The following ARHGAP15 variants were observed in gnomAD, a reference collection of about 807,000 sequenced individuals.
ARHGAP15 encodes Rho GTPase activating protein 15, also known as rho GTPase-activating protein 15.
Under a neutral mutation model 63.7 loss-of-function variants are expected in ARHGAP15, and 51 were observed. That is an observed-to-expected ratio of 0.80 (90% CI 0.64 to 1.01). The LOEUF is 1.01. ARHGAP15 is among the 50% of genes least tolerant of loss of function. The probability of loss-of-function intolerance (pLI) is 0.00; values close to 1 mark genes in which losing one functional copy is unlikely to be tolerated. For missense variants in ARHGAP15, 560 were observed against 564.6 expected, an observed-to-expected ratio of 0.99 and a Z score of 0.08; for synonymous variants, 191 against 193.8, an observed-to-expected ratio of 0.99 and a Z score of 0.12.
At chr2:143,610,655 A>T (rs1027476364) in intron 11 of ARHGAP15, among the ~76,000 whole-genome samples, 1 of 152,202 alleles carries the variant, frequency 6.6e-6, no homozygotes, top group African/African-American at 2.4e-5. Context: ...TTAGCTACAC[A>T]TCAAAGAGCT....
intron 13 of ARHGAP15, among the ~76,000 whole-genome samples, chr2:143,715,936 A>G (rs1485872670): frequency 6.6e-6 from 1 of 152,194 alleles, no homozygotes; most frequent in Non-Finnish European, 1.5e-5. Flanking sequence ...AATTTTCTGC[A>G]TATGGCTAGC....
chr2:143,406,435 G>C (rs1466427796), intron 6 of ARHGAP15, among the ~76,000 whole-genome samples: 1 of 151,840 alleles, frequency 6.6e-6, no homozygotes, highest in East Asian at 1.9e-4. Context: ...TACTGTCTTT[G>C]TGTCTTAAGC....
intron 11 of ARHGAP15, among the ~76,000 whole-genome samples, chr2:143,578,299 TA>T (rs1696754981): frequency 1.3e-5 from 2 of 152,116 alleles, no homozygotes; most frequent in South Asian, 4.1e-4. Context: ...AAACTATCAT[TA>T]AAGCTAAGCA....
chr2:143,352,612 A>T (rs1685619801), intron 6 of ARHGAP15, among the ~76,000 whole-genome samples: 1 of 152,216 alleles, frequency 6.6e-6, no homozygotes, highest in Non-Finnish European at 1.5e-5. Flanking sequence ...ACAAATTAAC[A>T]TCAAGGCTGT....
intron 6 of ARHGAP15, among the ~76,000 whole-genome samples, chr2:143,337,129 T>G (rs1227730052): frequency 6.6e-6 from 1 of 151,724 alleles, no homozygotes; most frequent in Non-Finnish European, 1.5e-5. Context: ...CTTGGATAGG[T>G]GGGGAGGTAA....
chr2:143,589,286 C>A (rs1362738276), intron 11 of ARHGAP15, among the ~76,000 whole-genome samples: 1 of 152,214 alleles, frequency 6.6e-6, no homozygotes, highest in Admixed American at 6.5e-5. Flanking sequence ...ATGTACTCTA[C>A]TGCTTATAGA....
intron 11 of ARHGAP15, among the ~76,000 whole-genome samples, chr2:143,589,917 A>G (rs2105165929): frequency 6.6e-6 from 1 of 152,350 alleles, no homozygotes; most frequent in Non-Finnish European, 1.5e-5. Context: ...TGTGTAACTT[A>G]ACAACTCAGC....
intron 12 of ARHGAP15, among the ~76,000 whole-genome samples, chr2:143,675,641 C>T (rs1682788086): frequency 6.6e-6 from 1 of 152,154 alleles, no homozygotes; most frequent in Non-Finnish European, 1.5e-5. Flanking sequence ...TGACAGTGAT[C>T]TGCTTCTCTG....
chr2:143,655,083 G>A (rs550295619), intron 12 of ARHGAP15, among the ~76,000 whole-genome samples: 19 of 152,184 alleles, frequency 1.2e-4, no homozygotes, highest in Admixed American at 7.8e-4. Flanking sequence ...GTTAAAATAC[G>A]AATTCTGATA....
chr2:143,181,271 G>C (rs1329187518), intron 2 of ARHGAP15, among the ~76,000 whole-genome samples: 1 of 152,116 alleles, frequency 6.6e-6, no homozygotes, highest in Non-Finnish European at 1.5e-5. Flanking sequence ...AGTATATTTA[G>C]TATCATTTTT....
intron 6 of ARHGAP15, among the ~76,000 whole-genome samples, chr2:143,270,608 C>T (rs1681229720): frequency 6.6e-6 from 1 of 152,162 alleles, no homozygotes; most frequent in Admixed American, 6.5e-5. Context: ...TAATTACATA[C>T]TACTTTCCTG....
At chr2:143,159,365 T>C (rs1690202680) in intron 2 of ARHGAP15, among the ~76,000 whole-genome samples, 1 of 151,964 alleles carries the variant, frequency 6.6e-6, no homozygotes, top group Admixed American at 6.6e-5. Flanking sequence ...ACTAAAAATA[T>C]AAACCTTCTG....
intron 6 of ARHGAP15, among the ~76,000 whole-genome samples, chr2:143,355,035 C>G (rs1685747892): frequency 6.6e-6 from 1 of 152,034 alleles, no homozygotes; most frequent in Admixed American, 6.6e-5. Context: ...GTGTTTTTAG[C>G]TGGTATAATT....
intron 11 of ARHGAP15, chr2:143,587,730 C>A (rs1345742254): frequency 1.3e-5 from 6 of 470,732 alleles, no homozygotes; most frequent in South Asian, 9.3e-5. Context: ...GGATGGAGAC[C>A]TGTGGACACC....
chr2:143,461,000 G>A (rs1690904192), intron 8 of ARHGAP15, among the ~76,000 whole-genome samples: 1 of 152,086 alleles, frequency 6.6e-6, no homozygotes, highest in Admixed American at 6.6e-5. Context: ...AGAGCATCTA[G>A]AAGACTTGGC....
At chr2:143,479,760 A>G (rs1011967555) in intron 8 of ARHGAP15, among the ~76,000 whole-genome samples, 2 of 128,932 alleles carry the variant, frequency 1.6e-5, no homozygotes, top group African/African-American at 5.2e-5. Context: ...TGTTTTAAGG[A>G]AAAAAAAAAT....
At chr2:143,648,491 A>G (rs1302162977) in intron 12 of ARHGAP15, among the ~76,000 whole-genome samples, 2 of 152,000 alleles carry the variant, frequency 1.3e-5, no homozygotes, top group Non-Finnish European at 2.9e-5. Flanking sequence ...ACTCAAGAGA[A>G]TAAACTTGGA....
At chr2:143,278,112 G>T (rs796400791) in intron 6 of ARHGAP15, among the ~76,000 whole-genome samples, 2 of 152,106 alleles carry the variant, frequency 1.3e-5, no homozygotes, top group Non-Finnish European at 2.9e-5. Context: ...CAGTGCCAGG[G>T]TTGGTTAATT....
intron 10 of ARHGAP15, among the ~76,000 whole-genome samples, chr2:143,538,412 CTA>C (rs1694880306): frequency 2.6e-5 from 4 of 152,266 alleles, no homozygotes; most frequent in African/African-American, 9.6e-5. Context: ...ACTTCCAACA[CTA>C]TGTTGAATAG....
Sources: gnomAD v4.1 joint callset for allele counts (sites outside exome capture counted in the v4.1 genomes callset) on GRCh38, gnomAD v4.1.1 for gene constraint, MANE v1.5 for transcripts, NCBI Gene and HGNC (gene_info 2026-07-23, HGNC 2026-07-21) for gene names.